The following BDH2 variants were observed in gnomAD, a reference collection of about 807,000 sequenced individuals.
BDH2 encodes 3-hydroxybutyrate dehydrogenase 2.
Under a neutral mutation model 33.2 loss-of-function variants are expected in BDH2, and 24 were observed. The ratio of observed to expected loss-of-function variants is 0.72; its 90% CI spans 0.52 to 1.02. The LOEUF is 1.02. Among genes scored for constraint, BDH2 ranks in the 50% least tolerant of loss-of-function variants. The probability of loss-of-function intolerance (pLI) is 0.00; values close to 1 mark genes in which losing one functional copy is unlikely to be tolerated. For synonymous variants in BDH2, 81 were observed against 101.6 expected (o/e 0.80, Z 1.22); for missense variants, 249 against 301.6 (o/e 0.83, Z 1.29).
chr4:103,099,833 C>G lies in BDH2; in HGVS notation c.-71G>C, dbSNP rs1367769256. The G allele has an allele frequency of 6.6e-6, 1 of 152,204 alleles. No homozygotes were observed. Among genetic ancestry groups the G allele is most frequent in the East Asian group, 1.9e-4 (1 of 5,196 alleles). 9.4% of individuals were successfully genotyped at this position (152,204 alleles called of 1,614,324 possible). A position where few individuals can be genotyped will look rare whatever the true frequency, so the allele number is the denominator to read the frequency against. On this transcript the variant is annotated 5_prime_UTR_variant, in exon 1 of 10. Coordinates refer to ENST00000296424, the MANE Select transcript of BDH2 (RefSeq NM_020139.4). The stretch of plus-strand genomic sequence containing the variant: ...TCCAGAACTCGGTTTGAGCAACAAA[C>G]TTGAGACAACCTTTGTCTGGAAGCA...
intron 3 of BDH2, 74 bp downstream of exon 3, chr4:103,095,129 T>C (rs1578510400): frequency 8.2e-7 from 1 of 1,214,786 alleles, no homozygotes; most frequent in East Asian, 2.4e-5. Flanking sequence ...GAATTTTCTT[T>C]CAACATGTGA....
chr4:103,092,696 C>T lies in BDH2; in HGVS notation c.152G>A (p.Gly51Asp), dbSNP rs1000131327. The T allele has an allele frequency of 5.6e-6, 9 of 1,604,674 alleles. No individual in the cohort carries two copies. Among genetic ancestry groups the T allele is most frequent in the African/African-American group, 4.0e-5 (3 of 74,692 alleles). The change falls in exon 4 of 10, where the codon GGT becomes GAT. Residue 51 changes from glycine to aspartate, a missense_variant and splice_region_variant. Physicochemically the swap from Gly to Asp is moderately conservative, Grantham distance 94. Transcript: ENST00000296424. ...SKLQELEKYP[G>D]IQTRVLDVTK... is the part of the protein sequence containing the mutation. Reference sequence around the variant, plus strand: ...GACATCAAGGACACGAGTTTGAATACCTGAAAAATAAAACAAGAGGCACTA... The same window carrying T: ...GACATCAAGGACACGAGTTTGAATATCTGAAAAATAAAACAAGAGGCACTA...
chr4:103,097,918 C>T (rs1748485690), intron 1 of BDH2, among the ~76,000 whole-genome samples: 1 of 152,070 alleles, frequency 6.6e-6, no homozygotes, highest in African/African-American at 2.4e-5. Context: ...AGTCCTTTCT[C>T]TTTGAACTTA....
chr4:103,099,471 C>T (rs1217162067), intron 1 of BDH2: 1 of 151,996 alleles, frequency 6.6e-6, no homozygotes, highest in Non-Finnish European at 1.5e-5. Flanking sequence ...TTCCTTAGTC[C>T]AAAAGTTAGA....
At chr4:103,094,858 G>A (rs949131498) in intron 3 of BDH2, among the ~76,000 whole-genome samples, 1 of 152,074 alleles carries the variant, frequency 6.6e-6, no homozygotes, top group African/African-American at 2.4e-5. Context: ...CTATTGGACA[G>A]GGCTATCCTA....
chr4:103,082,053 T>G lies in BDH2; in HGVS notation c.684+28A>C, dbSNP rs1410701901. 5.7e-6 allele frequency: 9 copies of G among 1,586,440 alleles called. No individual in the cohort carries two copies. In the Admixed American group the frequency reaches 1.5e-4, roughly 26 times the overall value. ...TGTGGCCAAATGTGATTGAGGGTAA[T>G]GAACTCCTTGGGAAGAATAGTGCTT... On this transcript the variant is annotated intron_variant, in intron 9 of 9. Coordinates refer to ENST00000296424, the MANE Select transcript of BDH2 (RefSeq NM_020139.4).
chr4:103,089,675 C>T (rs1747978228), intron 5 of BDH2, among the ~76,000 whole-genome samples: 1 of 152,172 alleles, frequency 6.6e-6, no homozygotes, highest in Non-Finnish European at 1.5e-5. Context: ...GAGTCTCATG[C>T]ATGTGCAACA....
intron 4 of BDH2, chr4:103,091,711 C>G (rs1748103195): frequency 2.2e-6 from 1 of 455,926 alleles, no homozygotes; most frequent in Admixed American, 2.4e-5. Flanking sequence ...TTCCACTGCC[C>G]TCTAGCCTGG....
intron 6 of BDH2, chr4:103,086,071 C>T: frequency 8.8e-7 from 1 of 1,130,902 alleles, no homozygotes; most frequent in Non-Finnish European, 1.1e-6. Flanking sequence ...TTGTACAAAC[C>T]TCTGTTATAT....
At chr4:103,090,236 G>A (rs573553909) in intron 5 of BDH2, among the ~76,000 whole-genome samples, 1 of 152,284 alleles carries the variant, frequency 6.6e-6, no homozygotes, top group South Asian at 2.1e-4. Context: ...AAGCTCATTT[G>A]AAATCAGGGA....
chr4:103,079,389 CCAT>C lies in BDH2; in HGVS notation c.*310_*312del, dbSNP rs1297685800. The C allele has an allele frequency of 3.7e-6, 1 of 271,042 alleles. No homozygotes were observed. The highest frequency in any genetic ancestry group is 2.2e-5 in the African/African-American group (1 of 44,510). 16.8% of individuals were successfully genotyped at this position (271,042 alleles called of 1,614,324 possible). A position where few individuals can be genotyped will look rare whatever the true frequency, so the allele number is the denominator to read the frequency against. On this transcript the variant is annotated 3_prime_UTR_variant, in exon 10 of 10. Coordinates refer to ENST00000296424, the MANE Select transcript of BDH2 (RefSeq NM_020139.4). Reference sequence around the variant, plus strand: ...ATAAATGTTTGTTGTCTATGACACTCCATCTATGGTAATTTGTTATAGCAGCCC... The same window carrying C: ...ATAAATGTTTGTTGTCTATGACACTCCTATGGTAATTTGTTATAGCAGCCC...
At chr4:103,096,326 G>A in intron 1 of BDH2, 52 bp from the exon 2 acceptor site, 1 of 1,173,642 alleles carries the variant, frequency 8.5e-7, no homozygotes. Context: ...ATCTTGAGCA[G>A]GCAGTAACAT....
chr4:103,078,886 C>A lies in BDH2; in HGVS notation c.*816G>T, dbSNP rs575764777. Among the ~76,000 whole-genome samples the A allele has an allele frequency of 5.3e-5, 8 of 152,216 alleles. No individual in the cohort carries two copies. In the East Asian group the frequency reaches 1.5e-3, roughly 29 times the overall value. On this transcript the variant is annotated 3_prime_UTR_variant, in exon 10 of 10. Coordinates refer to ENST00000296424, the MANE Select transcript of BDH2 (RefSeq NM_020139.4). ...TCCTCCTGCCTTAGCCTCTGTTAAC[C>A]ATGCTGGTCCTGAACTCCTGGCCGC... is the stretch of plus-strand genomic sequence containing the variant.
In BDH2 at chr4:103,077,992, G is replaced by A. The variant is rs1029769280; in HGVS notation, c.*1710C>T. Among the ~76,000 whole-genome samples, 3 of 152,122 alleles carry A rather than the reference G, an allele frequency of 2.0e-5. No homozygotes were observed. The highest frequency in any genetic ancestry group is 7.2e-5 in the African/African-American group (3 of 41,426). ...CCTTTTGTGTGAATTTTAATGTACC[G>A]TCATCAACTGCATGATATTCTTCCC... On this transcript the variant is annotated 3_prime_UTR_variant, in exon 10 of 10. Coordinates refer to ENST00000296424, the MANE Select transcript of BDH2 (RefSeq NM_020139.4).
chr4:103,082,489 T>A (rs999036453), intron 8 of BDH2, among the ~76,000 whole-genome samples: 2 of 152,200 alleles, frequency 1.3e-5, no homozygotes, highest in African/African-American at 4.8e-5. Flanking sequence ...AGTTCAATAG[T>A]GTTAGGTACA....
chr4:103,082,023 C>A, intron 9 of BDH2, 58 bp downstream of exon 9: 1 of 1,393,286 alleles, frequency 7.2e-7, no homozygotes, highest in Non-Finnish European at 1.0e-6. Context: ...TTTTGATGAG[C>A]AAATTGTGGC....
intron 9 of BDH2, 49 bp from the exon 10 acceptor site, chr4:103,079,804 A>T: frequency 6.4e-7 from 1 of 1,569,766 alleles, no homozygotes; most frequent in Non-Finnish European, 8.8e-7. Flanking sequence ...GGTTTGATAC[A>T]GGCTGTATTT....
At chr4:103,089,089 GA>G (rs1199324990) in intron 5 of BDH2, among the ~76,000 whole-genome samples, 1 of 152,132 alleles carries the variant, frequency 6.6e-6, no homozygotes, top group African/African-American at 2.4e-5. Flanking sequence ...ATCTATCCAT[GA>G]ATAAAAATTT....
chr4:103,085,268 C>T, intron 7 of BDH2, 81 bp downstream of exon 7: 2 of 1,064,606 alleles, frequency 1.9e-6, no homozygotes, highest in South Asian at 2.9e-5. Context: ...ATGAAAACAG[C>T]CATAGGCAAT....
Sources: allele counts gnomAD v4.1 joint callset (sites outside exome capture counted in the v4.1 genomes callset), GRCh38; gene constraint gnomAD v4.1.1; transcripts MANE v1.5; gene names NCBI Gene and HGNC (gene_info 2026-07-23, HGNC 2026-07-21).